Variants in NRTN observed in about 807,000 individuals in gnomAD.
The protein encoded by NRTN is neurturin, also known as prepro-neurturin.
In NRTN, 3 loss-of-function variants were observed where a neutral mutation model predicts 7.5. The observed-to-expected ratio is 0.40, with a 90% CI of 0.18 to 1.03. The LOEUF (loss-of-function observed/expected upper bound fraction) is 1.03, where lower values mean the gene tolerates loss of function less well. NRTN is among the 50% of genes least tolerant of loss of function. NRTN has a pLI of 0.34. For missense variants in NRTN, 310 were observed against 307.0 expected, an observed-to-expected ratio of 1.01 and a Z score of -0.07; for synonymous variants, 157 against 146.6, an observed-to-expected ratio of 1.07 and a Z score of -0.51.
At position 5,805,163 on chromosome 19, in the gene NRTN, C is replaced by G. The variant is rs1280605033; in HGVS notation, c.-687C>G. Among the ~76,000 whole-genome samples, 2 of 146,492 alleles carry G rather than the reference C, an allele frequency of 1.4e-5. No individual in the cohort carries two copies. Among genetic ancestry groups the G allele is most frequent in the African/African-American group, 4.9e-5 (2 of 40,838 alleles). On this transcript the variant is annotated 5_prime_UTR_variant, in exon 1 of 3. Coordinates refer to ENST00000303212, the MANE Select transcript of NRTN (RefSeq NM_004558.5). Reference sequence around the variant, plus strand: ...CCGTGCTGCGCGCCGAGGCCGCCTGCGCCGTCCGTGCGCCCCCGCGCCCCG... The same window carrying G: ...CCGTGCTGCGCGCCGAGGCCGCCTGGGCCGTCCGTGCGCCCCCGCGCCCCG...
chr19:5,813,830 ACT>A (rs2056997592), intron 1 of NRTN, among the ~76,000 whole-genome samples: 1 of 151,542 alleles, frequency 6.6e-6, no homozygotes, highest in African/African-American at 2.4e-5. Flanking sequence ...ACAGAGTGAG[ACT>A]CTGTCTCAAA....
chr19:5,827,636 G>C (rs1422899877), intron 2 of NRTN, 113 bp from the exon 3 acceptor site: 1 of 390,114 alleles, frequency 2.6e-6, no homozygotes, highest in Non-Finnish European at 3.7e-6. Context: ...AAGCCGTCTA[G>C]GCCTGGCGTC....
chr19:5,813,817 G>A (rs1351971129), intron 1 of NRTN, among the ~76,000 whole-genome samples: 1 of 151,934 alleles, frequency 6.6e-6, no homozygotes, highest in Non-Finnish European at 1.5e-5. Context: ...TCCAACCTGT[G>A]TGACAGAGTG....
chr19:5,808,757 CTTTT>C (rs60945267), intron 1 of NRTN, among the ~76,000 whole-genome samples: 6 of 130,358 alleles, frequency 4.6e-5, no homozygotes, highest in Non-Finnish European at 6.4e-5. Context: ...TCAATGGTGG[CTTTT>C]TTTTTTTTTT....
At chr19:5,817,512 G>A (rs533551068) in intron 1 of NRTN, among the ~76,000 whole-genome samples, 42 of 144,384 alleles carry the variant, frequency 2.9e-4, no homozygotes, top group Admixed American at 2.0e-3. Context: ...AGGAAGGGAG[G>A]GAGGGAGAGA....
chr19:5,823,035 AAGAGAG>A (rs35933326), intron 1 of NRTN, among the ~76,000 whole-genome samples: 2 of 149,764 alleles, frequency 1.3e-5, no homozygotes, highest in South Asian at 2.1e-4. Flanking sequence ...AAAAAAAAGA[AAGAGAG>A]AGAGAGAAAG....
intron 2 of NRTN, among the ~76,000 whole-genome samples, chr19:5,825,301 C>T (rs1386767160): frequency 6.6e-6 from 1 of 152,262 alleles, no homozygotes; most frequent in East Asian, 1.9e-4. Flanking sequence ...GGTGCGTGGG[C>T]CCTGACCCCT....
chr19:5,827,516 G>A (rs2057050913), intron 2 of NRTN, among the ~76,000 whole-genome samples: 1 of 150,746 alleles, frequency 6.6e-6, no homozygotes, highest in African/African-American at 2.4e-5. Flanking sequence ...AGGGGTTTTG[G>A]ACCAGCGTAG....
chr19:5,816,486 C>T (rs934747254), intron 1 of NRTN, among the ~76,000 whole-genome samples: 14 of 152,200 alleles, frequency 9.2e-5, no homozygotes, highest in Admixed American at 1.3e-4. Context: ...TCAAGCGATT[C>T]TCCTGCTTCA....
intron 1 of NRTN, among the ~76,000 whole-genome samples, chr19:5,811,596 G>A (rs746140063): frequency 4.6e-5 from 7 of 152,132 alleles, no homozygotes; most frequent in African/African-American, 7.2e-5. Context: ...GCACTGGCGC[G>A]ATCTTGGCTC....
intron 1 of NRTN, among the ~76,000 whole-genome samples, chr19:5,818,884 G>A (rs557664899): frequency 4.0e-4 from 61 of 151,934 alleles, no homozygotes; most frequent in Admixed American, 3.7e-3. Flanking sequence ...CTCCGCCAAT[G>A]GCCCCCCGAT....
chr19:5,817,306 G>A (rs1217276617), intron 1 of NRTN, among the ~76,000 whole-genome samples: 1 of 151,580 alleles, frequency 6.6e-6, no homozygotes, highest in African/African-American at 2.4e-5. Flanking sequence ...GTGAGCCGAG[G>A]TTGCGCCACT....
At chr19:5,805,758 C>A (rs546078342) in intron 1 of NRTN, among the ~76,000 whole-genome samples, 3 of 152,220 alleles carry the variant, frequency 2.0e-5, no homozygotes, top group African/African-American at 7.2e-5. Context: ...CTGAGGAACG[C>A]ACGGTGCCCT....
At chr19:5,816,000 C>A (rs780368521) in intron 1 of NRTN, among the ~76,000 whole-genome samples, 4 of 152,166 alleles carry the variant, frequency 2.6e-5, no homozygotes, top group African/African-American at 4.8e-5. Context: ...CCGCCTTGGC[C>A]TCTCGAAGTG....
intron 1 of NRTN, among the ~76,000 whole-genome samples, chr19:5,820,581 T>C (rs1169352776): frequency 9.1e-6 from 1 of 110,294 alleles, no homozygotes; most frequent in Non-Finnish European, 1.8e-5. Flanking sequence ...AAAAAAAAAT[T>C]ACTTAGACAT....
chr19:5,825,597 C>T (rs2057043054), intron 2 of NRTN, among the ~76,000 whole-genome samples: 1 of 152,222 alleles, frequency 6.6e-6, no homozygotes, highest in African/African-American at 2.4e-5. Context: ...CCCCCAAAAT[C>T]CAGTGCTCCA....
In NRTN at chr19:5,827,731, C is replaced by T. The variant is rs754065091; in HGVS notation, c.170-18C>T. On this transcript the variant is annotated intron_variant, in intron 2 of 2. Coordinates refer to ENST00000303212, the MANE Select transcript of NRTN (RefSeq NM_004558.5). ...TGCACCCACTGACCCCCCCTCCTTT[C>T]TCTTCCTCCCCTCGCAGACCGTGCA... The T allele has an allele frequency of 7.6e-4, 652 of 858,230 alleles. No individual in the cohort carries two copies. The highest frequency in any genetic ancestry group is 9.0e-4 in the Non-Finnish European group (605 of 671,912). The allele number at this position is 858,230 out of a possible 1,614,324, so 53.2% of individuals were successfully genotyped here.
intron 2 of NRTN, among the ~76,000 whole-genome samples, chr19:5,826,486 C>T (rs1233045307): frequency 1.3e-5 from 2 of 152,320 alleles, no homozygotes; most frequent in African/African-American, 4.8e-5. Flanking sequence ...TGTCTCGTTT[C>T]TGAGACCCCC....
At chr19:5,816,671 C>T (rs541398140) in intron 1 of NRTN, among the ~76,000 whole-genome samples, 50 of 152,252 alleles carry the variant, frequency 3.3e-4, no homozygotes, top group African/African-American at 8.7e-4. Flanking sequence ...CGTGAGCCAC[C>T]GTGCCCCGTC....
Sources: allele counts gnomAD v4.1 joint callset (sites outside exome capture counted in the v4.1 genomes callset), GRCh38; gene constraint gnomAD v4.1.1; transcripts MANE v1.5; gene names NCBI Gene and HGNC (gene_info 2026-07-23, HGNC 2026-07-21).